Variants in LINGO2 observed in about 807,000 individuals in gnomAD.
The protein encoded by LINGO2 is leucine-rich repeat and immunoglobulin-like domain-containing nogo receptor-interacting protein 2.
Under a neutral mutation model 30.6 loss-of-function variants are expected in LINGO2, and 14 were observed. That is an observed-to-expected ratio of 0.46 (90% CI 0.30 to 0.72). LINGO2 has a LOEUF of 0.72. Ranked by LOEUF, LINGO2 falls within the 30% of genes least tolerant of loss-of-function variation. The pLI, the probability that LINGO2 is intolerant of heterozygous loss-of-function variation, is 0.07. For missense variants in LINGO2, 729 were observed against 751.7 expected (o/e 0.97, Z 0.35); for synonymous variants, 317 against 288.5 (o/e 1.10, Z -1.00).
the LINGO2 span, among the ~76,000 whole-genome samples, chr9:29,087,651 C>T: frequency 3.3e-5 from 5 of 152,022 alleles, no homozygotes; most frequent in African/African-American, 9.7e-5. Flanking sequence ...ATTTTTTTCC[C>T]AGTCTTTAAT....
intron 2 of LINGO2, among the ~76,000 whole-genome samples, chr9:28,413,684 T>C (rs1391481241): frequency 6.6e-6 from 1 of 152,120 alleles, no homozygotes; most frequent in African/African-American, 2.4e-5. Flanking sequence ...TCTGGGACTA[T>C]GCTGAGGGCT....
chr9:29,153,467 A>T, the LINGO2 span, among the ~76,000 whole-genome samples: 3 of 152,192 alleles, frequency 2.0e-5, no homozygotes, highest in Non-Finnish European at 2.9e-5. Context: ...GTAGACAAAG[A>T]AGACTGTTAT....
intron 4 of LINGO2, chr9:28,149,091 C>T: frequency 6.5e-7 from 1 of 1,533,966 alleles, no homozygotes; most frequent in Non-Finnish European, 8.7e-7. Flanking sequence ...GGTCAGGCTT[C>T]CCAAAGAGAA....
At chr9:28,545,885 G>A (rs956619907) in intron 1 of LINGO2, among the ~76,000 whole-genome samples, 1 of 152,038 alleles carries the variant, frequency 6.6e-6, no homozygotes, top group Non-Finnish European at 1.5e-5. Flanking sequence ...AAGTGGGTGA[G>A]TAAACTTTTA....
the LINGO2 span, among the ~76,000 whole-genome samples, chr9:29,081,391 C>T: frequency 0.2 from 29,992 of 151,986 alleles, 3,101 homozygotes; most frequent in African/African-American, 0.24. Flanking sequence ...GCCCTTCATG[C>T]TATAAACGCT....
At chr9:27,949,678 G>T in exon 6 of LINGO2, 4 of 1,614,084 alleles carry the variant, frequency 2.5e-6, no homozygotes, top group Non-Finnish European at 3.4e-6. Flanking sequence ...GTTTCCAGCA[G>T]GTTCTGAGAC....
intron 4 of LINGO2, among the ~76,000 whole-genome samples, chr9:28,150,220 C>G (rs950143349): frequency 2.0e-5 from 3 of 152,164 alleles, no homozygotes; most frequent in African/African-American, 7.2e-5. Context: ...AGGAGCGCCT[C>G]TGCCCGGCCC....
chr9:28,125,763 C>G (rs568935544), intron 4 of LINGO2, among the ~76,000 whole-genome samples: 1 of 152,302 alleles, frequency 6.6e-6, no homozygotes, highest in Admixed American at 6.5e-5. Context: ...ATGAAACTAA[C>G]TGGTGACATT....
At chr9:29,064,862 C>T in the LINGO2 span, among the ~76,000 whole-genome samples, 1 of 151,886 alleles carries the variant, frequency 6.6e-6, no homozygotes, top group Non-Finnish European at 1.5e-5. Context: ...TTTATACTTT[C>T]ATATTTATCC....
chr9:28,149,449 G>A (rs548618054), intron 4 of LINGO2, among the ~76,000 whole-genome samples: 105 of 151,708 alleles, frequency 6.9e-4, no homozygotes, highest in Middle Eastern at 3.5e-3. Context: ...GGGCAGTGAG[G>A]AGCGCCTCTG....
At chr9:28,794,214 G>A in the LINGO2 span, among the ~76,000 whole-genome samples, 1 of 152,214 alleles carries the variant, frequency 6.6e-6, no homozygotes, top group Non-Finnish European at 1.5e-5. Context: ...TGAGGCAGGA[G>A]AATCGCTTGA....
Position 28,038,680 on chromosome 9 carries a change from G to A in LINGO2, c.-86-26275C>T, listed in dbSNP as rs907770550. On this transcript the variant is annotated intron_variant, in intron 4 of 5. Coordinates refer to ENST00000379992, the Ensembl canonical transcript of LINGO2. ...TGCAGTCCAGCCTGGGCGACAGAGC[G>A]AGACTCCGTCTCAAAAAAAAAAAAA... 9.0e-5 allele frequency among the ~76,000 whole-genome samples: 12 copies of A among 133,008 alleles called. No individual in the cohort carries two copies. The South Asian group carries it at 2.6e-3, about 29-fold the overall frequency. 87.3% of individuals were successfully genotyped at this position (133,008 alleles called of 152,430 possible).
intron 1 of LINGO2, among the ~76,000 whole-genome samples, chr9:28,554,808 C>A (rs918949144): frequency 5.6e-5 from 8 of 143,364 alleles, no homozygotes; most frequent in Non-Finnish European, 1.0e-4. Flanking sequence ...TCTCTCAGAC[C>A]ACAGTGCAAA....
At chr9:28,407,932 A>T (rs1279685954) in intron 2 of LINGO2, among the ~76,000 whole-genome samples, 5 of 152,108 alleles carry the variant, frequency 3.3e-5, no homozygotes, top group African/African-American at 1.2e-4. Flanking sequence ...GTGCATTTGA[A>T]ATAGTGTACA....
the LINGO2 span, among the ~76,000 whole-genome samples, chr9:29,116,107 G>C: frequency 6.7e-6 from 1 of 149,820 alleles, no homozygotes; most frequent in South Asian, 2.1e-4. Flanking sequence ...AATGACTTAA[G>C]ACACAAAAAT....
At chr9:28,145,246 C>T (rs1827781235) in intron 4 of LINGO2, among the ~76,000 whole-genome samples, 1 of 152,108 alleles carries the variant, frequency 6.6e-6, no homozygotes, top group Non-Finnish European at 1.5e-5. Context: ...GCGAGGAAGG[C>T]AAGCGTTGCA....
chr9:28,404,452 T>C (rs1822409906), intron 2 of LINGO2, among the ~76,000 whole-genome samples: 1 of 152,162 alleles, frequency 6.6e-6, no homozygotes, highest in Non-Finnish European at 1.5e-5. Flanking sequence ...TCATAGATGT[T>C]ATTTACTCTA....
chr9:29,061,029 T>C, the LINGO2 span, among the ~76,000 whole-genome samples: 1 of 151,974 alleles, frequency 6.6e-6, no homozygotes, highest in Non-Finnish European at 1.5e-5. Context: ...TACAGGCTGA[T>C]GAAGTCTGGC....
the LINGO2 span, among the ~76,000 whole-genome samples, chr9:28,796,504 A>C: frequency 6.6e-6 from 1 of 152,074 alleles, no homozygotes; most frequent in Non-Finnish European, 1.5e-5. Context: ...TTAATGAATA[A>C]TTTTATGACG....
Sources: gnomAD v4.1 joint callset for allele counts (sites outside exome capture counted in the v4.1 genomes callset) on GRCh38, gnomAD v4.1.1 for gene constraint, MANE v1.5 for transcripts, NCBI Gene and HGNC (gene_info 2026-07-23, HGNC 2026-07-21) for gene names.